The following ABLIM1 variants were observed in gnomAD, a reference collection of about 807,000 sequenced individuals.
ABLIM1 encodes the protein actin binding LIM protein 1.
ABLIM1 carries 40 observed loss-of-function variants against 107.0 expected under a neutral mutation model. That is an observed-to-expected ratio of 0.37 (90% CI 0.29 to 0.49). ABLIM1 has a LOEUF of 0.49. ABLIM1 is among the 20% of genes least tolerant of loss of function. The pLI, the probability that ABLIM1 is intolerant of heterozygous loss-of-function variation, is 0.97. For synonymous variants in ABLIM1, 357 were observed against 357.3 expected, an observed-to-expected ratio of 1.00 and a Z score of 0.01; for missense variants, 857 against 1,008.5, an observed-to-expected ratio of 0.85 and a Z score of 2.04.
intron 2 of ABLIM1, among the ~76,000 whole-genome samples, chr10:114,596,723 T>C (rs2075449509): frequency 6.6e-6 from 1 of 152,206 alleles, no homozygotes; most frequent in South Asian, 2.1e-4. Context: ...ATCGCAACCC[T>C]TTCCCACCTT....
Position 114,695,848 on chromosome 10 carries a change from G to A in ABLIM1, c.-213+72213C>T, listed in dbSNP as rs544389364. 2.0e-5 allele frequency among the ~76,000 whole-genome samples: 3 copies of A among 152,224 alleles called. No individual in the cohort carries two copies. In the East Asian group the frequency reaches 5.8e-4, roughly 29 times the overall value. On this transcript the variant is annotated intron_variant, in intron 1 of 15. Coordinates refer to the ABLIM1 transcript ENST00000651092. ...GCACCTCAAATTTTGATCTCTGATC[G>A]TAAGAGATTATGAGGATGTCAGTTT...
At chr10:114,524,002 G>A (rs61867884) in intron 6 of ABLIM1, among the ~76,000 whole-genome samples, 1,873 of 152,292 alleles carry the variant, frequency 0.012, 23 homozygotes, top group Non-Finnish European at 0.02. Context: ...GGAGAGAAAT[G>A]CAAGATTTGC....
At chr10:114,438,044 C>T (rs1460151172) in intron 21 of ABLIM1, 120 bp from the exon 22 acceptor site, 9 of 908,108 alleles carry the variant, frequency 9.9e-6, no homozygotes, top group Non-Finnish European at 1.4e-5. Flanking sequence ...TGACAGAATT[C>T]GAGTGATGGG....
chr10:114,465,848 A>T, intron 11 of ABLIM1, 21 bp from the exon 12 acceptor site: 1 of 1,613,708 alleles, frequency 6.2e-7, no homozygotes, highest in Non-Finnish European at 8.5e-7. Flanking sequence ...AGTTCAACAC[A>T]TTCAGGCTAT....
rs957794694 is a variant in ABLIM1, at chr10:114,586,473, G to C, written c.380-10874C>G. 3.9e-5 allele frequency among the ~76,000 whole-genome samples: 6 copies of C among 152,268 alleles called. No individual in the cohort carries two copies. In the South Asian group the frequency reaches 1.0e-3, roughly 26 times the overall value. The stretch of plus-strand genomic sequence containing the variant: ...CACTTTAAAAAAGTAGATAGGATTA[G>C]ACCAAAGAAAAAGAAGTCAGGGTAA... On this transcript the variant is annotated intron_variant, in intron 2 of 22. Coordinates refer to ENST00000533213, the MANE Select transcript of ABLIM1 (RefSeq NM_002313.7).
chr10:114,648,076 T>C (rs2079082340), intron 1 of ABLIM1, among the ~76,000 whole-genome samples: 1 of 152,228 alleles, frequency 6.6e-6, no homozygotes, highest in African/African-American at 2.4e-5. Flanking sequence ...TTGTATTAAG[T>C]GGTGGGAATG....
At chr10:114,582,915 G>T (rs2073571648) in intron 2 of ABLIM1, among the ~76,000 whole-genome samples, 1 of 152,096 alleles carries the variant, frequency 6.6e-6, no homozygotes, top group African/African-American at 2.4e-5. Context: ...AATTCTGGAA[G>T]AAAACCTAAG....
chr10:114,726,213 G>A (rs2081955996), intron 1 of ABLIM1, among the ~76,000 whole-genome samples: 1 of 152,126 alleles, frequency 6.6e-6, no homozygotes, highest in Admixed American at 6.5e-5. Flanking sequence ...ACCTGAGTAA[G>A]TAGAAAGTAA....
At chr10:114,511,867 A>G (rs1341936222) in intron 6 of ABLIM1, among the ~76,000 whole-genome samples, 1 of 152,014 alleles carries the variant, frequency 6.6e-6, no homozygotes, top group Admixed American at 6.6e-5. Flanking sequence ...AAGTTTAAAG[A>G]CCTCTCTTTC....
At chr10:114,697,523 G>A (rs555386853) in intron 1 of ABLIM1, among the ~76,000 whole-genome samples, 18 of 152,356 alleles carry the variant, frequency 1.2e-4, no homozygotes, top group African/African-American at 4.3e-4. Context: ...GAGTAGGAGG[G>A]AGGAAAACCT....
At chr10:114,442,487 G>A (rs2060334940) in intron 17 of ABLIM1, among the ~76,000 whole-genome samples, 1 of 152,150 alleles carries the variant, frequency 6.6e-6, no homozygotes, top group African/African-American at 2.4e-5. Flanking sequence ...ATCTATGCAG[G>A]TACAATGTTA....
chr10:114,626,803 T>A (rs1490495781), intron 1 of ABLIM1, among the ~76,000 whole-genome samples: 1 of 152,064 alleles, frequency 6.6e-6, no homozygotes, highest in Non-Finnish European at 1.5e-5. Flanking sequence ...ATCATTAGGG[T>A]GGGCCTTAAT....
intron 1 of ABLIM1, among the ~76,000 whole-genome samples, chr10:114,712,811 A>G (rs565844349): frequency 7.9e-5 from 12 of 152,226 alleles, no homozygotes; most frequent in African/African-American, 2.9e-4. Context: ...ATGATTTTCT[A>G]TAATTACTTC....
At chr10:114,734,991 C>T (rs898521808) in intron 1 of ABLIM1, among the ~76,000 whole-genome samples, 1 of 152,182 alleles carries the variant, frequency 6.6e-6, no homozygotes, top group African/African-American at 2.4e-5. Context: ...CTTAAAGGGG[C>T]TTATGTGACT....
At chr10:114,662,531 G>C (rs1173243595), upstream of ABLIM1, among the ~76,000 whole-genome samples, 1 of 152,104 alleles carries the variant, frequency 6.6e-6, no homozygotes, top group Non-Finnish European at 1.5e-5. Context: ...ATGTTTAAAG[G>C]GTCTTACCCA....
At chr10:114,729,133 TG>T (rs2082021635) in intron 1 of ABLIM1, among the ~76,000 whole-genome samples, 1 of 152,040 alleles carries the variant, frequency 6.6e-6, no homozygotes. Context: ...CATGCTCTCA[TG>T]AGGAAAGTGA....
chr10:114,790,612 G>A, the ABLIM1 span, among the ~76,000 whole-genome samples: 1 of 152,310 alleles, frequency 6.6e-6, no homozygotes, highest in Non-Finnish European at 1.5e-5. Context: ...CCTTCTGAGT[G>A]CAGGGCCCTG....
In ABLIM1 at chr10:114,473,008, T is replaced by C. The variant is rs1221463676; in HGVS notation, c.1244A>G (p.Asp415Gly). The change falls in exon 10 of 23, where the codon GAT becomes GGT. Residue 415 changes from aspartate to glycine, a missense_variant. This residue lies in a region of ABLIM1 where 381 missense variants were observed against 506.9 expected (regional missense o/e 0.75). Coordinates refer to ENST00000533213, the MANE Select transcript of ABLIM1 (RefSeq NM_002313.7). ...TYEPFYTSGY[D>G]DKQERQSLGE... ...AAGGCTCTGTCTCTCCTGTTTGTCA[T>C]CATAGCCCGAAGTGTAGAAAGGCTC... 3.1e-6 allele frequency: 5 copies of C among 1,607,472 alleles called. No homozygotes were observed. Among genetic ancestry groups the C allele is most frequent in the Non-Finnish European group, 4.3e-6 (5 of 1,176,418 alleles).
Position 114,598,699 on chromosome 10 carries a change from T to G in ABLIM1, c.379+3128A>C, listed in dbSNP as rs969373219. ...AAAAGAATGTCAAGTATCTCAATAC[T>G]TTTTATATTACTTGTTGAAATGATA... On this transcript the variant is annotated intron_variant, in intron 2 of 22. Coordinates refer to ENST00000533213, the MANE Select transcript of ABLIM1 (RefSeq NM_002313.7). 1.3e-5 allele frequency among the ~76,000 whole-genome samples: 2 copies of G among 152,186 alleles called. 1 individual carries two copies. The highest frequency in any genetic ancestry group is 1.3e-4 in the Admixed American group (2 of 15,276).
Sources: allele counts gnomAD v4.1 joint callset (sites outside exome capture counted in the v4.1 genomes callset), GRCh38; gene constraint gnomAD v4.1.1; regional missense constraint gnomAD v4.1.1; transcripts MANE v1.5; gene names NCBI Gene and HGNC (gene_info 2026-07-23, HGNC 2026-07-21).